The following GSN variants were observed in gnomAD, a reference collection of about 807,000 sequenced individuals.
GSN encodes the protein actin-depolymerizing factor.
Under a neutral mutation model 85.7 loss-of-function variants are expected in GSN, and 56 were observed. That is an observed-to-expected ratio of 0.65 (90% CI 0.53 to 0.82). The LOEUF (loss-of-function observed/expected upper bound fraction) is 0.82, where lower values mean the gene tolerates loss of function less well. GSN is among the 40% of genes least tolerant of loss of function. The probability of loss-of-function intolerance (pLI) is 0.00; values close to 1 mark genes in which losing one functional copy is unlikely to be tolerated. For synonymous variants in GSN, 373 were observed against 399.1 expected (o/e 0.93, Z 0.78); for missense variants, 857 against 979.8 (o/e 0.87, Z 1.67).
At position 121,299,227 on chromosome 9, in the gene GSN, G is replaced by T. The variant is rs911805031; in HGVS notation, c.-9-2736G>T. ...GGAGGGGCTATCCCAGGAGCTGAGC[G>T]TTCTGCCCCGCCCCTCTGAGTCCTG... On this transcript the variant is annotated intron_variant, in intron 2 of 17. Transcript: ENST00000432226. The surrounding 1 kb of genome is among the most constrained non-coding windows in gnomAD (Gnocchi z 4.2). 74 of 815,684 alleles carry T rather than the reference G, an allele frequency of 9.1e-5. No individual in the cohort carries two copies. In the African/African-American group the frequency reaches 1.3e-3, roughly 14 times the overall value. The allele number at this position is 815,684 out of a possible 1,614,324, so 50.5% of individuals were successfully genotyped here.
chr9:121,272,282 A>G (rs935322543), intron 1 of GSN, among the ~76,000 whole-genome samples: 4 of 152,188 alleles, frequency 2.6e-5, no homozygotes, highest in Admixed American at 1.3e-4. Context: ...TAGGGCAGAG[A>G]AAAGCAGTGG....
chr9:121,294,445 G>A (rs763199027), intron 2 of GSN, among the ~76,000 whole-genome samples: 19 of 152,158 alleles, frequency 1.2e-4, no homozygotes, highest in Non-Finnish European at 5.9e-5. Flanking sequence ...CATACCCATG[G>A]CCAAATCTGG....
Position 121,317,152 on chromosome 9 carries a change from G to C in GSN, c.820G>C (p.Ala274Pro). The C allele has an allele frequency of 6.2e-7, 1 of 1,614,138 alleles. No homozygotes were observed. Among genetic ancestry groups the C allele is most frequent in the Non-Finnish European group, 8.5e-7 (1 of 1,179,980 alleles). The change falls in exon 8 of 18, where the codon GCC (alanine) becomes CCC (proline). Residue 274 changes from alanine (A) to proline (P), a missense_variant. Physicochemically the swap from Ala to Pro is conservative, Grantham distance 27. Transcript: ENST00000432226. ...TGATGAGAACCCCTTCGCCCAGGGGGCCCTGAAGTCAGAGGACTGCTTCAT... is the reference window on the plus strand; with the variant it reads ...TGATGAGAACCCCTTCGCCCAGGGGCCCCTGAAGTCAGAGGACTGCTTCAT... ...VADENPFAQG[A>P]LKSEDCFILD...
chr9:121,288,262 T>C (rs1198674144), intron 2 of GSN, among the ~76,000 whole-genome samples: 1 of 152,168 alleles, frequency 6.6e-6, no homozygotes, highest in East Asian at 1.9e-4. Flanking sequence ...AGAGCTGTGT[T>C]CATTCCAGCT....
At chr9:121,206,382 C>T (rs371598983), upstream of GSN, among the ~76,000 whole-genome samples, 9 of 151,994 alleles carry the variant, frequency 5.9e-5, no homozygotes, top group East Asian at 9.7e-4. Context: ...GAGACTCATT[C>T]GTCTCTGGGT....
rs1289071806 is a variant in GSN at position 121,254,411 on chromosome 9, TC to T, written c.-341+6089del. Among the ~76,000 whole-genome samples, 3 of 152,336 alleles carry T rather than the reference TC, an allele frequency of 2.0e-5. No individual in the cohort carries two copies. In the East Asian group the frequency reaches 5.8e-4, roughly 29 times the overall value. ...GTTTCATTCTTATTTAAATGTAAGT[TC>T]TTTCTCTTCCCTTTTCTCTCTCCCA... On this transcript the variant is annotated intron_variant, in intron 6 of 24. Coordinates refer to the GSN transcript ENST00000373823.
At chr9:121,218,493 G>A (rs1487521265) in intron 4 of GSN, among the ~76,000 whole-genome samples, 1 of 152,148 alleles carries the variant, frequency 6.6e-6, no homozygotes, top group Non-Finnish European at 1.5e-5. Context: ...AAATGAACCA[G>A]GCATCATGAC....
intron 4 of GSN, among the ~76,000 whole-genome samples, chr9:121,217,296 G>T (rs1400663458): frequency 6.6e-6 from 1 of 151,816 alleles, no homozygotes; most frequent in Non-Finnish European, 1.5e-5. Flanking sequence ...AACCTGGGAG[G>T]CGGAGATTGC....
chr9:121,232,697 A>G (rs778023279), intron 5 of GSN, among the ~76,000 whole-genome samples: 10 of 152,218 alleles, frequency 6.6e-5, no homozygotes, highest in Non-Finnish European at 1.3e-4. Flanking sequence ...GAGCCAAGAA[A>G]ATAAAAAGTA....
intron 11 of GSN, among the ~76,000 whole-genome samples, chr9:121,323,515 G>A (rs2062763012): frequency 6.6e-6 from 1 of 151,736 alleles, no homozygotes; most frequent in Non-Finnish European, 1.5e-5. Context: ...GACTACAGGT[G>A]TGCGCCAACA....
chr9:121,330,752 GAGTTATTTTTATTCCAAGCCTT>G (rs1408776470), intron 16 of GSN, among the ~76,000 whole-genome samples: 1 of 152,160 alleles, frequency 6.6e-6, no homozygotes, highest in African/African-American at 2.4e-5. Flanking sequence ...AGTGGTGGGT[GAGTTATTTTTATTCCAAGCCTT>G]AGGCCCATTT....
At chr9:121,277,089 TA>T (rs1382817275) in intron 1 of GSN, among the ~76,000 whole-genome samples, 1 of 152,174 alleles carries the variant, frequency 6.6e-6, no homozygotes, top group Non-Finnish European at 1.5e-5. Context: ...CCTGTTCCCC[TA>T]GGTCTCCTTT....
At chr9:121,311,705 C>T (rs908538116) in intron 5 of GSN, 4 of 152,470 alleles carry the variant, frequency 2.6e-5, no homozygotes, top group African/African-American at 9.7e-5. Flanking sequence ...GACACGGAAC[C>T]TTGTTCTTTT....
chr9:121,255,039 C>T (rs1420999972), intron 6 of GSN, among the ~76,000 whole-genome samples: 2 of 152,114 alleles, frequency 1.3e-5, no homozygotes, highest in African/African-American at 4.8e-5. Flanking sequence ...AGCTCTGCCC[C>T]CTGGGTTCAC....
At chr9:121,286,052 T>C (rs1274078992) in intron 2 of GSN, 2 of 1,464,386 alleles carry the variant, frequency 1.4e-6, no homozygotes, top group Non-Finnish European at 1.8e-6. Context: ...GGCACAGCTA[T>C]TTCCAGACTA....
chr9:121,331,699 C>T, intron 17 of GSN: 1 of 438,924 alleles, frequency 2.3e-6, no homozygotes. Flanking sequence ...AAGGAAGGGA[C>T]AGATGAGAAG....
chr9:121,246,657 A>G (rs962783065), intron 5 of GSN, among the ~76,000 whole-genome samples: 33 of 151,752 alleles, frequency 2.2e-4, no homozygotes, highest in African/African-American at 8.0e-4. Context: ...TCCTTTCTCC[A>G]GCTCTCATCG....
Position 121,310,766 on chromosome 9 carries a change from G to C in GSN, c.434G>C (p.Arg145Pro), listed in dbSNP as rs141314418. 3.1e-6 allele frequency: 5 copies of C among 1,614,100 alleles called. No individual in the cohort carries two copies. The South Asian group carries it at 4.4e-5, about 14-fold the overall frequency. The stretch of plus-strand genomic sequence containing the variant: ...AGACTCTTCCAGGTCAAAGGGCGGC[G>C]TGTGGTCCGTGCCACCGAGGTACCT... ...VQRLFQVKGRRVVRATEVPVS... is the reference protein window; with the variant it reads ...VQRLFQVKGRPVVRATEVPVS... The change falls in exon 5 of 18, where the codon CGT becomes CCT. Residue 145 changes from arginine to proline, a missense_variant. Physicochemically the swap from Arg to Pro is moderately radical, Grantham distance 103 (BLOSUM62 -2). Coordinates refer to ENST00000432226, the MANE Select transcript of GSN (RefSeq NM_198252.3).
chr9:121,251,187 C>CTTTTGTTTTTTTTTTT (rs2054825379), intron 6 of GSN, among the ~76,000 whole-genome samples: 1 of 73,044 alleles, frequency 1.4e-5, no homozygotes, highest in African/African-American at 6.5e-5. Context: ...CTGATGTGTT[C>CTTTTGTTTTTTTTTTT]TTTTTTTTTT....
Sources: gnomAD v4.1 joint callset for allele counts (sites outside exome capture counted in the v4.1 genomes callset) on GRCh38, gnomAD v4.1.1 for gene constraint, Gnocchi (gnomAD v3.1) non-coding constraint, MANE v1.5 for transcripts, NCBI Gene and HGNC (gene_info 2026-07-23, HGNC 2026-07-21) for gene names.